RANBP17: variants seen among roughly 807,000 people sequenced by gnomAD.
RANBP17 encodes the protein RAN binding protein 17.
In RANBP17, 158 loss-of-function variants were observed where a neutral mutation model predicts 141.2. The ratio of observed to expected loss-of-function variants is 1.12; its 90% CI spans 0.98 to 1.28. RANBP17 has a LOEUF of 1.28. Ranked by LOEUF, RANBP17 falls within the 50% of genes most tolerant of loss-of-function variation. RANBP17 has a pLI of 0.00. For missense variants in RANBP17, 1,438 were observed against 1,290.7 expected, an observed-to-expected ratio of 1.11 and a Z score of -1.75; for synonymous variants, 430 against 450.0, an observed-to-expected ratio of 0.96 and a Z score of 0.56.
Position 170,896,309 on chromosome 5 carries a change from A to T in RANBP17, c.489+194A>T, listed in dbSNP as rs766524580. ...TGGAATATTTTCATTGTTATTGAAGATATCTGCAATAGTACAGAGTATTAC... is the reference window on the plus strand; with the variant it reads ...TGGAATATTTTCATTGTTATTGAAGTTATCTGCAATAGTACAGAGTATTAC... On this transcript the variant is annotated intron_variant, in intron 5 of 27. Coordinates refer to ENST00000523189, the MANE Select transcript of RANBP17 (RefSeq NM_022897.5). 51 of 559,306 alleles carry T rather than the reference A, an allele frequency of 9.1e-5. 1 individual carries two copies. Among genetic ancestry groups the T allele is most frequent in the Non-Finnish European group, 1.5e-4 (47 of 318,504 alleles). 34.6% of individuals were successfully genotyped at this position (559,306 alleles called of 1,614,324 possible). A position where few individuals can be genotyped will look rare whatever the true frequency, so the allele number is the denominator to read the frequency against.
chr5:170,992,323 T>C (rs1488947832), intron 14 of RANBP17, among the ~76,000 whole-genome samples: 2 of 152,044 alleles, frequency 1.3e-5, no homozygotes, highest in African/African-American at 4.8e-5. Flanking sequence ...AATAATAATA[T>C]TCATTGCTCT....
chr5:171,059,278 A>G (rs1354085898), intron 14 of RANBP17, among the ~76,000 whole-genome samples: 7 of 152,160 alleles, frequency 4.6e-5, no homozygotes, highest in Non-Finnish European at 8.8e-5. Flanking sequence ...GTTTTCTTCT[A>G]GGGTTTTTAT....
At position 171,189,241 on chromosome 5, in the gene RANBP17, CAT is replaced by C. The variant is rs1315262293; in HGVS notation, c.2038+5812_2038+5813del. Among the ~76,000 whole-genome samples, 7 of 152,288 alleles carry C rather than the reference CAT, an allele frequency of 4.6e-5. No homozygotes were observed. The East Asian group carries it at 1.2e-3, about 25-fold the overall frequency. ...AGTAGCTACCCTCATAGAACTTCCA[CAT>C]GTTTGAAAAGAAACTCCTTCCTTAT... On this transcript the variant is annotated intron_variant, in intron 18 of 27. Coordinates refer to ENST00000523189, the MANE Select transcript of RANBP17 (RefSeq NM_022897.5).
chr5:170,914,134 G>A (rs1328986426), intron 7 of RANBP17, 33 bp from the exon 8 acceptor site: 5 of 1,369,396 alleles, frequency 3.7e-6, no homozygotes, highest in Non-Finnish European at 5.2e-6. Context: ...TGAATTGAAA[G>A]TAATGGTGTT....
chr5:171,132,350 G>T (rs1756978618), intron 14 of RANBP17, among the ~76,000 whole-genome samples: 1 of 151,604 alleles, frequency 6.6e-6, no homozygotes, highest in East Asian at 1.9e-4. Flanking sequence ...TATTATTATG[G>T]AGCAAGTTGT....
intron 14 of RANBP17, among the ~76,000 whole-genome samples, chr5:171,087,205 C>T (rs1167875641): frequency 6.6e-6 from 1 of 151,074 alleles, no homozygotes. Context: ...TTATTTCTGC[C>T]TTCATTTCGT....
At chr5:170,916,714 G>A in intron 9 of RANBP17, 130 bp downstream of exon 9, 1 of 417,550 alleles carries the variant, frequency 2.4e-6, no homozygotes. Flanking sequence ...ATCTTCCTTA[G>A]AGCTTTTTTT....
intron 14 of RANBP17, among the ~76,000 whole-genome samples, chr5:171,079,249 C>T (rs1284925435): frequency 6.6e-6 from 1 of 152,178 alleles, no homozygotes; most frequent in Non-Finnish European, 1.5e-5. Context: ...GACTGAATTA[C>T]TTTAATCTCA....
chr5:171,088,434 A>C (rs1340361837), intron 14 of RANBP17, among the ~76,000 whole-genome samples: 2 of 152,046 alleles, frequency 1.3e-5, no homozygotes, highest in African/African-American at 4.8e-5. Flanking sequence ...TGTGACAATT[A>C]TGTGTCTTGG....
At chr5:171,171,463 A>C (rs903259335) in intron 16 of RANBP17, among the ~76,000 whole-genome samples, 177 bp downstream of exon 16, 2 of 152,200 alleles carry the variant, frequency 1.3e-5, no homozygotes, top group East Asian at 3.9e-4. Flanking sequence ...GCTGTATACT[A>C]TGAAGCATTT....
intron 14 of RANBP17, among the ~76,000 whole-genome samples, chr5:170,999,447 A>C (rs1779050005): frequency 6.6e-6 from 1 of 152,148 alleles, no homozygotes; most frequent in Non-Finnish European, 1.5e-5. Flanking sequence ...GTATATAATT[A>C]CTGTCTAGAG....
chr5:170,912,951 TA>T (rs1198992032), intron 7 of RANBP17, among the ~76,000 whole-genome samples: 2 of 151,906 alleles, frequency 1.3e-5, no homozygotes, highest in Non-Finnish European at 1.5e-5. Flanking sequence ...AAAAAAATTC[TA>T]AAACTTACCA....
At chr5:170,938,052 C>G (rs1774028521) in intron 12 of RANBP17, among the ~76,000 whole-genome samples, 1 of 152,140 alleles carries the variant, frequency 6.6e-6, no homozygotes, top group African/African-American at 2.4e-5. Context: ...TCTCCTTTCT[C>G]TGACCTCCTC....
At chr5:171,073,001 C>G (rs953559212) in intron 14 of RANBP17, among the ~76,000 whole-genome samples, 1 of 151,424 alleles carries the variant, frequency 6.6e-6, no homozygotes, top group African/African-American at 2.4e-5. Context: ...CATGACATAC[C>G]GGAAAAGGCA....
chr5:171,040,146 G>A (rs755144433), intron 14 of RANBP17, among the ~76,000 whole-genome samples: 51 of 152,086 alleles, frequency 3.4e-4, no homozygotes, highest in Non-Finnish European at 6.2e-4. Flanking sequence ...TCCACATCTA[G>A]CATCATATCA....
intron 14 of RANBP17, among the ~76,000 whole-genome samples, chr5:171,055,002 CTAA>C (rs1335461395): frequency 6.6e-6 from 1 of 152,136 alleles, no homozygotes; most frequent in East Asian, 1.9e-4. Context: ...ATCTGGAAGA[CTAA>C]TAAGTGTTCA....
intron 5 of RANBP17, among the ~76,000 whole-genome samples, chr5:170,908,024 C>T (rs1432783963): frequency 6.6e-6 from 1 of 151,962 alleles, no homozygotes; most frequent in Non-Finnish European, 1.5e-5. Flanking sequence ...GAAAAAACCA[C>T]AGATGCTAGC....
At chr5:170,873,142 CTCAGGTGAT>C (rs1561843670) in intron 1 of RANBP17, among the ~76,000 whole-genome samples, 1 of 152,150 alleles carries the variant, frequency 6.6e-6, no homozygotes, top group Non-Finnish European at 1.5e-5. Context: ...AACTATTGAC[CTCAGGTGAT>C]CCACCCACCT....
intron 12 of RANBP17, 125 bp from the exon 13 acceptor site, chr5:170,953,472 A>G: frequency 1.6e-6 from 1 of 621,868 alleles, no homozygotes. Flanking sequence ...TCCAGAACTG[A>G]GTTCACAATA....
Sources: allele counts gnomAD v4.1 joint callset (sites outside exome capture counted in the v4.1 genomes callset), GRCh38; gene constraint gnomAD v4.1.1; transcripts MANE v1.5; gene names NCBI Gene and HGNC (gene_info 2026-07-23, HGNC 2026-07-21).